MYO5B: variants seen among roughly 807,000 people sequenced by gnomAD.
MYO5B encodes unconventional myosin-Vb.
A neutral mutation model predicts 229.3 loss-of-function variants in MYO5B; 143 were observed. The observed-to-expected ratio is 0.62, with a 90% CI of 0.54 to 0.72. The LOEUF (loss-of-function observed/expected upper bound fraction) is 0.72, where lower values mean the gene tolerates loss of function less well. Ranked by LOEUF, MYO5B falls within the 30% of genes least tolerant of loss-of-function variation. MYO5B has a pLI of 0.00. For synonymous variants in MYO5B, 918 were observed against 885.2 expected, an observed-to-expected ratio of 1.04 and a Z score of -0.66; for missense variants, 2,321 against 2,331.0, an observed-to-expected ratio of 1.00 and a Z score of 0.09.
chr18:50,188,623 C>A (rs1447021928), intron 1 of MYO5B, among the ~76,000 whole-genome samples: 2 of 151,848 alleles, frequency 1.3e-5, no homozygotes, highest in African/African-American at 4.8e-5. Context: ...CCCGTCTCTA[C>A]TAAAAATACA....
At chr18:49,871,304 TA>T (rs1399318818) in intron 27 of MYO5B, among the ~76,000 whole-genome samples, 2 of 152,172 alleles carry the variant, frequency 1.3e-5, no homozygotes, top group East Asian at 3.8e-4. Flanking sequence ...TGTTAATGGG[TA>T]CGGGCTTCAG....
intron 1 of MYO5B, among the ~76,000 whole-genome samples, chr18:50,186,536 G>C (rs2033151667): frequency 6.6e-6 from 1 of 152,118 alleles, no homozygotes; most frequent in Non-Finnish European, 1.5e-5. Context: ...GTTCATGTTT[G>C]TAGCAATCCT....
chr18:50,138,763 G>T (rs986677199), intron 1 of MYO5B, among the ~76,000 whole-genome samples: 1 of 152,144 alleles, frequency 6.6e-6, no homozygotes, highest in Non-Finnish European at 1.5e-5. Flanking sequence ...GTTATCCACA[G>T]ATGAAGAAAT....
chr18:50,071,098 A>T (rs1262340036), intron 1 of MYO5B, among the ~76,000 whole-genome samples: 1 of 152,222 alleles, frequency 6.6e-6, no homozygotes, highest in Non-Finnish European at 1.5e-5. Flanking sequence ...TACTGAGATT[A>T]CAGGTGTGGG....
At chr18:50,169,942 C>A (rs559159281) in intron 1 of MYO5B, among the ~76,000 whole-genome samples, 1 of 126,850 alleles carries the variant, frequency 7.9e-6, no homozygotes, top group South Asian at 2.8e-4. Flanking sequence ...AGACTGCCCA[C>A]CTCCAAAAAT....
chr18:50,183,252 A>G (rs969548548), intron 1 of MYO5B, among the ~76,000 whole-genome samples: 8 of 146,050 alleles, frequency 5.5e-5, no homozygotes, highest in Non-Finnish European at 8.9e-5. Context: ...CCTCCCAGTA[A>G]TTATTCTAGA....
rs1475203174 is a variant in MYO5B, at chr18:50,098,419, G to C, written c.28-43041C>G. Among the ~76,000 whole-genome samples the C allele has an allele frequency of 3.3e-5, 5 of 152,308 alleles. No individual in the cohort carries two copies. In the East Asian group the frequency reaches 9.6e-4, roughly 29 times the overall value. On this transcript the variant is annotated intron_variant, in intron 1 of 39. Transcript: ENST00000285039. The stretch of plus-strand genomic sequence containing the variant: ...TAACATTCATATTAGATGTCCTAAA[G>C]AGTCCCATCAAAATCAATACCAAAA...
At chr18:49,967,447 A>C (rs1217663672) in intron 10 of MYO5B, among the ~76,000 whole-genome samples, 2 of 152,324 alleles carry the variant, frequency 1.3e-5, no homozygotes, top group Non-Finnish European at 2.9e-5. Context: ...AGGTCAAAGG[A>C]ACTAAAATCT....
intron 4 of MYO5B, among the ~76,000 whole-genome samples, chr18:50,029,344 T>C (rs2026364570): frequency 6.6e-6 from 1 of 152,180 alleles, no homozygotes. Flanking sequence ...GAATGTGGAA[T>C]GCTCAGGGCA....
chr18:49,968,917 G>A (rs575953553), intron 10 of MYO5B, among the ~76,000 whole-genome samples: 6 of 152,294 alleles, frequency 3.9e-5, no homozygotes, highest in African/African-American at 1.4e-4. Flanking sequence ...CTTCATCTGA[G>A]CCTTGGAAGC....
chr18:50,180,016 G>A (rs1486377345), intron 1 of MYO5B, among the ~76,000 whole-genome samples: 1 of 152,104 alleles, frequency 6.6e-6, no homozygotes, highest in Non-Finnish European at 1.5e-5. Flanking sequence ...GGACCTCTAG[G>A]GCTGAAGATC....
intron 1 of MYO5B, among the ~76,000 whole-genome samples, chr18:50,128,528 G>A (rs1329768761): frequency 6.6e-6 from 1 of 152,172 alleles, no homozygotes; most frequent in Admixed American, 6.5e-5. Flanking sequence ...GTCCAGGTAG[G>A]AGAAGACATG....
intron 4 of MYO5B, among the ~76,000 whole-genome samples, chr18:50,019,230 C>T (rs72913846): frequency 0.15 from 23,380 of 152,158 alleles, 1,889 homozygotes; most frequent in East Asian, 0.22. Context: ...GTAATATAAA[C>T]GCATAGAAGT....
At chr18:50,075,479 A>G (rs1253126864) in intron 1 of MYO5B, among the ~76,000 whole-genome samples, 1 of 152,188 alleles carries the variant, frequency 6.6e-6, no homozygotes, top group African/African-American at 2.4e-5. Context: ...TAATCCTTAT[A>G]ACTCTTCTGG....
intron 5 of MYO5B, among the ~76,000 whole-genome samples, chr18:49,999,984 T>C (rs888368471): frequency 6.6e-6 from 1 of 152,270 alleles, no homozygotes; most frequent in Non-Finnish European, 1.5e-5. Flanking sequence ...GAACAAATAC[T>C]GAAACTTGCT....
intron 33 of MYO5B, 108 bp downstream of exon 33, chr18:49,847,038 G>C: frequency 2.1e-6 from 3 of 1,398,456 alleles, no homozygotes; most frequent in East Asian, 2.3e-5. Context: ...GAGGGTGGGG[G>C]CTGTGCAGGA....
At position 49,932,432 on chromosome 18, in the gene MYO5B, T is replaced by C. The variant is rs577370307; in HGVS notation, c.2004-2834A>G. Among the ~76,000 whole-genome samples, 21 of 152,302 alleles carry C rather than the reference T, an allele frequency of 1.4e-4. 1 individual carries two copies. In the East Asian group the frequency reaches 3.9e-3, roughly 28 times the overall value. ...ACATTGTTCCCTCTTCGTGACCAGC[T>C]CAGCAAATCCCCTCCCTTTGCCACA... On this transcript the variant is annotated intron_variant, in intron 16 of 39. Transcript: ENST00000285039.
At chr18:50,097,138 A>T in intron 1 of MYO5B, 1 of 433,506 alleles carries the variant, frequency 2.3e-6, no homozygotes, top group Non-Finnish European at 4.7e-6. Flanking sequence ...TTTCTTCTCA[A>T]ATCCTCCCAG....
At chr18:49,974,233 TAAACTGCCCTA>T in intron 10 of MYO5B, 106 bp downstream of exon 10, 1 of 1,488,080 alleles carries the variant, frequency 6.7e-7, no homozygotes, top group Non-Finnish European at 9.3e-7. Context: ...CCACACATTT[TAAACTGCCCTA>T]AGTTGAGAAC....
Sources: gnomAD v4.1 joint callset for allele counts (sites outside exome capture counted in the v4.1 genomes callset) on GRCh38, gnomAD v4.1.1 for gene constraint, MANE v1.5 for transcripts, NCBI Gene and HGNC (gene_info 2026-07-23, HGNC 2026-07-21) for gene names.